Variants in CAST observed in about 807,000 individuals in gnomAD.
The protein encoded by CAST is MIR583 host.
A neutral mutation model predicts 119.6 loss-of-function variants in CAST; 76 were observed. The ratio of observed to expected loss-of-function variants is 0.64; its 90% CI spans 0.53 to 0.77. CAST has a LOEUF of 0.77. CAST is among the 30% of genes least tolerant of loss of function. The probability of loss-of-function intolerance (pLI) is 0.00; values close to 1 mark genes in which losing one functional copy is unlikely to be tolerated. For missense variants in CAST, 953 were observed against 946.5 expected, an observed-to-expected ratio of 1.01 and a Z score of -0.09; for synonymous variants, 319 against 331.6, an observed-to-expected ratio of 0.96 and a Z score of 0.41.
the CAST span, among the ~76,000 whole-genome samples, chr5:96,246,303 C>T: frequency 6.7e-6 from 1 of 150,022 alleles, no homozygotes; most frequent in Admixed American, 6.8e-5. Context: ...CTGCCTCAGC[C>T]TCCCGAGTAG....
At chr5:96,349,185 A>C in the CAST span, among the ~76,000 whole-genome samples, 1 of 81,566 alleles carries the variant, frequency 1.2e-5, no homozygotes, top group South Asian at 3.9e-4. Flanking sequence ...ACTGTTCCCT[A>C]TCCAAGGGAA....
chr5:95,997,679 G>C, the CAST span, among the ~76,000 whole-genome samples: 2 of 152,144 alleles, frequency 1.3e-5, no homozygotes, highest in African/African-American at 2.4e-5. Context: ...TGAGAGTTCT[G>C]TCATGCAATG....
the CAST span, among the ~76,000 whole-genome samples, chr5:96,233,225 C>T: frequency 6.6e-6 from 1 of 152,030 alleles, no homozygotes; most frequent in African/African-American, 2.4e-5. Context: ...TATTTTAATT[C>T]ATGGATACAT....
the CAST span, among the ~76,000 whole-genome samples, chr5:96,151,227 G>T: frequency 6.6e-6 from 1 of 152,220 alleles, no homozygotes; most frequent in Non-Finnish European, 1.5e-5. Context: ...GAAGACAGCA[G>T]ATTCAAAGAG....
chr5:96,649,912 G>C (rs1436260540), intron 1 of CAST, among the ~76,000 whole-genome samples: 2 of 152,212 alleles, frequency 1.3e-5, no homozygotes, highest in African/African-American at 2.4e-5. Context: ...ATAGCTAACA[G>C]TCATAAAATT....
At chr5:96,752,651 A>T (rs2150588586) in intron 20 of CAST, among the ~76,000 whole-genome samples, 1 of 127,364 alleles carries the variant, frequency 7.9e-6, no homozygotes, top group South Asian at 2.4e-4. Flanking sequence ...GTGCTAAATC[A>T]CTTTTCTTTG....
At chr5:95,969,604 G>A in the CAST span, among the ~76,000 whole-genome samples, 1 of 152,182 alleles carries the variant, frequency 6.6e-6, no homozygotes, top group African/African-American at 2.4e-5. Flanking sequence ...ATGGAGAAAA[G>A]GAGAAGAATA....
At chr5:96,433,208 C>A in the CAST span, 1 of 685,018 alleles carries the variant, frequency 1.5e-6, no homozygotes, top group Non-Finnish European at 2.6e-6. Context: ...GGCTGGGCGG[C>A]GGCGAGCGCT....
rs926690253 is a variant in CAST at position 96,702,830 on chromosome 5, C to A, written c.210+6923C>A. On this transcript the variant is annotated intron_variant, in intron 3 of 31. Transcript: ENST00000675179. Reference sequence around the variant, plus strand: ...CAGAGAGCTGGGCTGGAGCTCCAAGCGGAAACCGCGGGAGCCGAGCCCAGC... The same window carrying A: ...CAGAGAGCTGGGCTGGAGCTCCAAGAGGAAACCGCGGGAGCCGAGCCCAGC... 1.7e-5 allele frequency: 17 copies of A among 985,344 alleles called. No homozygotes were observed. The Admixed American group carries it at 6.1e-4, about 36-fold the overall frequency. 61.0% of individuals were successfully genotyped at this position (985,344 alleles called of 1,614,324 possible). A position where few individuals can be genotyped will look rare whatever the true frequency, so the allele number is the denominator to read the frequency against.
chr5:96,736,894 G>C (rs1276602309), intron 10 of CAST, among the ~76,000 whole-genome samples: 2 of 152,154 alleles, frequency 1.3e-5, no homozygotes, highest in Admixed American at 6.5e-5. Context: ...ATAAAGAAAA[G>C]AGGTTTAATT....
At chr5:96,639,648 G>A (rs1283968557) in intron 1 of CAST, among the ~76,000 whole-genome samples, 1 of 152,220 alleles carries the variant, frequency 6.6e-6, no homozygotes, top group East Asian at 1.9e-4. Context: ...CAAAGGCGAG[G>A]ATGGGCCATG....
the CAST span, among the ~76,000 whole-genome samples, chr5:96,449,974 C>T: frequency 1.3e-5 from 2 of 152,174 alleles, no homozygotes; most frequent in Non-Finnish European, 2.9e-5. Context: ...CAGTGTATGT[C>T]TGAAAATGCC....
At chr5:96,732,820 A>G (rs2150465145) in intron 9 of CAST, among the ~76,000 whole-genome samples, 1 of 152,326 alleles carries the variant, frequency 6.6e-6, no homozygotes, top group East Asian at 1.9e-4. Context: ...TAGACCTAAA[A>G]GCAATATAGA....
chr5:96,532,513 G>C (rs1033394065), intron 1 of CAST, among the ~76,000 whole-genome samples: 1 of 152,138 alleles, frequency 6.6e-6, no homozygotes, highest in Non-Finnish European at 1.5e-5. Context: ...CTAGGAGTTT[G>C]AGACCAGCCT....
the CAST span, among the ~76,000 whole-genome samples, chr5:95,972,709 G>T: frequency 6.6e-6 from 1 of 152,076 alleles, no homozygotes; most frequent in African/African-American, 2.4e-5. Flanking sequence ...TTTTGATTTT[G>T]ATGAAGTCCA....
chr5:96,214,845 C>T, the CAST span: 1 of 152,154 alleles, frequency 6.6e-6, no homozygotes, highest in Non-Finnish European at 1.5e-5. Context: ...TATCCATAAT[C>T]CAAGAAAAAG....
chr5:96,001,330 C>G, the CAST span, among the ~76,000 whole-genome samples: 3 of 152,204 alleles, frequency 2.0e-5, no homozygotes, highest in African/African-American at 7.2e-5. Context: ...GTCTAGAAAC[C>G]TACATTTCTT....
intron 1 of CAST, among the ~76,000 whole-genome samples, chr5:96,583,539 A>C (rs952249920): frequency 3.3e-5 from 5 of 152,188 alleles, no homozygotes; most frequent in African/African-American, 4.8e-5. Flanking sequence ...TAAGATGAAG[A>C]TAATAATAAT....
the CAST span, among the ~76,000 whole-genome samples, chr5:96,110,494 G>A: frequency 6.6e-6 from 1 of 152,120 alleles, no homozygotes; most frequent in Non-Finnish European, 1.5e-5. Flanking sequence ...TAGCTGGAGG[G>A]GTTGTCAAGG....
Sources: gnomAD v4.1 joint callset for allele counts (sites outside exome capture counted in the v4.1 genomes callset) on GRCh38, gnomAD v4.1.1 for gene constraint, MANE v1.5 for transcripts, NCBI Gene and HGNC (gene_info 2026-07-23, HGNC 2026-07-21) for gene names.